The following GAB3 variants were observed in gnomAD, a reference collection of about 807,000 sequenced individuals.
GAB3 encodes GRB2 associated binding protein 3.
GAB3 carries 12 observed loss-of-function variants against 40.4 expected under a neutral mutation model. The observed-to-expected ratio is 0.30, with a 90% CI of 0.19 to 0.48. The LOEUF is 0.48. Ranked by LOEUF, GAB3 falls within the 20% of genes least tolerant of loss-of-function variation. GAB3 has a pLI of 0.99. For synonymous variants in GAB3, 154 were observed against 176.7 expected (o/e 0.87, Z 1.02); for missense variants, 381 against 461.9 (o/e 0.82, Z 1.61).
In GAB3 at chrX:154,679,204, C is replaced by A. The variant is rs782456530; in HGVS notation, c.1648-910G>T. On this transcript the variant is annotated intron_variant, in intron 9 of 9. Coordinates refer to ENST00000424127, the MANE Select transcript of GAB3 (RefSeq NM_001081573.3). ...AAAAAGGAAGTGACATGTTCCAATC[C>A]TAAGGAGAAAGAGGTATTCTGTGAT... 9 of 340,054 alleles carry A rather than the reference C, an allele frequency of 2.6e-5. No individual in the cohort carries two copies. The East Asian group carries it at 7.8e-4, about 30-fold the overall frequency. The allele number at this position is 340,054 out of a possible 1,213,427, so 28.0% of individuals were successfully genotyped here. A position where few individuals can be genotyped will look rare whatever the true frequency, so the allele number is the denominator to read the frequency against.
intron 7 of GAB3, 40 bp downstream of exon 7, chrX:154,697,092 G>A (rs782008060): frequency 1.9e-6 from 2 of 1,068,983 alleles, no homozygotes; most frequent in South Asian, 3.7e-5. Flanking sequence ...ACACCGGGGT[G>A]TCTGTGCTGG....
chrX:154,710,325 TGA>T (rs1557255470), intron 4 of GAB3, among the ~76,000 whole-genome samples: 1 of 111,665 alleles, frequency 9.0e-6, no homozygotes, highest in African/African-American at 3.3e-5. Context: ...CCTGACCAGC[TGA>T]CTGTAAAATT....
intron 4 of GAB3, among the ~76,000 whole-genome samples, chrX:154,710,218 A>G (rs931258745): frequency 8.9e-6 from 1 of 112,488 alleles, no homozygotes; most frequent in African/African-American, 3.2e-5. Flanking sequence ...CATGGATTGG[A>G]AAATTCAACA....
intron 7 of GAB3, 133 bp from the exon 8 acceptor site, chrX:154,696,152 T>C: frequency 2.7e-6 from 1 of 371,223 alleles, no homozygotes; most frequent in East Asian, 3.9e-5. Flanking sequence ...GCCAAAGCAA[T>C]TCCTGAAGAG....
intron 8 of GAB3, among the ~76,000 whole-genome samples, chrX:154,694,532 G>A (rs1012826960): frequency 1.0e-4 from 11 of 110,479 alleles, no homozygotes; most frequent in South Asian, 3.9e-4. Flanking sequence ...GACTACAGGC[G>A]CCCGCCACCA....
At position 154,707,385 on chromosome X, in the gene GAB3, G is replaced by A. The variant is rs781872162; in HGVS notation, c.1069+4844C>T. On this transcript the variant is annotated intron_variant, in intron 4 of 9. Transcript: ENST00000424127. ...AAAAATGATAATTATATTAGGTAAT[G>A]TTTGTTAATTAGCTTGATTTTAATC... is the stretch of plus-strand genomic sequence containing the variant. Among the ~76,000 whole-genome samples the A allele has an allele frequency of 2.1e-3, 234 of 112,145 alleles. 3 individuals are homozygous for A. The highest frequency in any genetic ancestry group is 2.8e-3 in the Admixed American group (30 of 10,597).
At chrX:154,732,432 T>A (rs1466040881) in intron 1 of GAB3, among the ~76,000 whole-genome samples, 1 of 111,589 alleles carries the variant, frequency 9.0e-6, no homozygotes, top group Non-Finnish European at 1.9e-5. Context: ...ACTCAGTAAA[T>A]CTTGTTGAAT....
chrX:154,732,125 G>A (rs1488330702), intron 1 of GAB3, among the ~76,000 whole-genome samples: 1 of 111,959 alleles, frequency 8.9e-6, no homozygotes, highest in Non-Finnish European at 1.9e-5. Context: ...AGTGGGTGAG[G>A]AGTCAAAGAG....
At chrX:154,687,348 T>C (rs2070468676) in intron 8 of GAB3, among the ~76,000 whole-genome samples, 1 of 110,033 alleles carries the variant, frequency 9.1e-6, no homozygotes, top group Non-Finnish European at 1.9e-5. Flanking sequence ...AAAAAAGTGT[T>C]AGGCCAGGCG....
Position 154,676,272 on chromosome X carries a change from T to C in GAB3, c.*1906A>G, listed in dbSNP as rs77314929. On this transcript the variant is annotated 3_prime_UTR_variant, in exon 10 of 10. Coordinates refer to ENST00000424127, the MANE Select transcript of GAB3 (RefSeq NM_001081573.3). ...TGACACTTGGGCCTACAATTTTTTT[T>C]CTGCACCAGCCTTTGTCAGATAATC... 8.9e-6 allele frequency: 1 copy of C among 112,247 alleles called. No individual in the cohort carries two copies. Among genetic ancestry groups the C allele is most frequent in the Non-Finnish European group, 1.9e-5 (1 of 53,243 alleles). 9.3% of individuals were successfully genotyped at this position (112,247 alleles called of 1,213,427 possible).
intron 4 of GAB3, among the ~76,000 whole-genome samples, chrX:154,711,962 C>A (rs1251819403): frequency 8.9e-6 from 1 of 111,923 alleles, no homozygotes; most frequent in Non-Finnish European, 1.9e-5. Context: ...TTGGGGGGAT[C>A]CAGGAACAGA....
chrX:154,698,652 T>G (rs1231564670), intron 6 of GAB3, among the ~76,000 whole-genome samples: 1 of 112,022 alleles, frequency 8.9e-6, no homozygotes, highest in Non-Finnish European at 1.9e-5. Flanking sequence ...TCTGACCTGC[T>G]CTTCCTCTTT....
At chrX:154,722,343 T>C (rs1557258851) in intron 1 of GAB3, among the ~76,000 whole-genome samples, 1 of 111,058 alleles carries the variant, frequency 9.0e-6, no homozygotes, top group Admixed American at 9.6e-5. Context: ...GTAGCAAATA[T>C]GTAAGAGGAG....
chrX:154,700,098 A>G (rs1557251844), intron 4 of GAB3, 39 bp from the exon 5 acceptor site: 1 of 1,093,596 alleles, frequency 9.1e-7, no homozygotes, highest in South Asian at 1.8e-5. Flanking sequence ...AATGCAGAAC[A>G]ATATCAACTG....
At chrX:154,737,735 G>A (rs1387996589) in intron 1 of GAB3, among the ~76,000 whole-genome samples, 1 of 112,311 alleles carries the variant, frequency 8.9e-6, no homozygotes, top group Non-Finnish European at 1.9e-5. Flanking sequence ...GCCAGGCGCA[G>A]TGTAATCCCA....
intron 4 of GAB3, among the ~76,000 whole-genome samples, chrX:154,708,464 A>G (rs1293011628): frequency 1.8e-5 from 2 of 112,400 alleles, no homozygotes; most frequent in Non-Finnish European, 3.8e-5. Context: ...GAGAGAAAAT[A>G]TTTGCAAATC....
chrX:154,695,816 A>T, intron 8 of GAB3, 101 bp downstream of exon 8: 1 of 445,202 alleles, frequency 2.2e-6, no homozygotes, highest in African/African-American at 2.4e-5. Context: ...TTGTTTTAAA[A>T]TTGCACAGGG....
intron 8 of GAB3, among the ~76,000 whole-genome samples, chrX:154,694,489 C>T (rs2070622539): frequency 9.1e-6 from 1 of 110,287 alleles, no homozygotes; most frequent in Non-Finnish European, 1.9e-5. Flanking sequence ...CGGGTTCCTG[C>T]CATTCTCCTG....
intron 8 of GAB3, among the ~76,000 whole-genome samples, chrX:154,692,125 G>A (rs2070579753): frequency 9.0e-6 from 1 of 111,672 alleles, no homozygotes. Context: ...TCATGGATAT[G>A]ACGCCAAAAG....
Sources: allele counts gnomAD v4.1 joint callset (sites outside exome capture counted in the v4.1 genomes callset), GRCh38; gene constraint gnomAD v4.1.1; transcripts MANE v1.5; gene names NCBI Gene and HGNC (gene_info 2026-07-23, HGNC 2026-07-21).